C10orf105: variants seen among roughly 807,000 people sequenced by gnomAD.
C10orf105 encodes the protein chromosome 10 open reading frame 105.
Under a neutral mutation model 0.6 loss-of-function variants are expected in C10orf105, and 2 were observed. The ratio of observed to expected loss-of-function variants is 3.18; its 90% confidence interval spans 1.30 to 10.01. C10orf105 has a LOEUF of 10.01. Among genes scored for constraint, C10orf105 ranks in the 30% most tolerant of loss-of-function variants. C10orf105 has a pLI of 0.04. For synonymous variants in C10orf105, 95 were observed against 82.4 expected (o/e 1.15, Z -0.83); for missense variants, 209 against 191.4 (o/e 1.09, Z -0.54).
chr10:71,727,191 G>A (rs976027482), intron 1 of C10orf105, among the ~76,000 whole-genome samples: 6 of 152,226 alleles, frequency 3.9e-5, no homozygotes, highest in Admixed American at 1.3e-4. Context: ...TGACAAGACT[G>A]AGGCAAAGAG....
In C10orf105 at chr10:71,713,391, G is replaced by A. The variant is rs1866071170; in HGVS notation, c.*2545C>T. On this transcript the variant is annotated 3_prime_UTR_variant, in exon 2 of 2. Coordinates refer to ENST00000441508, the MANE Select transcript of C10orf105 (RefSeq NM_001164375.3). ...CTGGGTGGGGAGGGAGGCCCGGAGT[G>A]AATGAGTCTCTTTACCAACTATGGG... 1 of 694,964 alleles carries A rather than the reference G, an allele frequency of 1.4e-6. No individual in the cohort carries two copies. The highest frequency in any genetic ancestry group is 2.6e-6 in the Non-Finnish European group (1 of 381,306). The allele number at this position is 694,964 out of a possible 1,614,324, so 43.0% of individuals were successfully genotyped here. A position where few individuals can be genotyped will look rare whatever the true frequency, so the allele number is the denominator to read the frequency against.
At chr10:71,725,231 G>C (rs936777749) in intron 1 of C10orf105, 2 of 1,471,226 alleles carry the variant, frequency 1.4e-6, no homozygotes, top group African/African-American at 1.4e-5. Flanking sequence ...CCTCTCCACT[G>C]TGAATTCTGT....
chr10:71,732,018 G>T lies in C10orf105; in HGVS notation c.-6+5710C>A, dbSNP rs1179225882. ...GTGGCCTGGTGAACTACCGCATCCT[G>T]TCGGGCGCAGAGGGGAAGTTTGAGA... On this transcript the variant is annotated intron_variant, in intron 1 of 1. Coordinates refer to the C10orf105 transcript ENST00000398786. 3 of 1,613,854 alleles carry T rather than the reference G, an allele frequency of 1.9e-6. No homozygotes were observed. Among genetic ancestry groups the T allele is most frequent in the Non-Finnish European group, 2.5e-6 (3 of 1,179,876 alleles).
rs761814772 is a variant in C10orf105, at chr10:71,713,110, G to A, written c.*2826C>T. ...CCACCCAGAAGGGCCTTTCAGAGTA[G>A]CGGGGAGAAAGAGACGTCACAATTT... On this transcript the variant is annotated 3_prime_UTR_variant, in exon 2 of 2. Coordinates refer to ENST00000441508, the MANE Select transcript of C10orf105 (RefSeq NM_001164375.3). 7.8e-6 allele frequency: 6 copies of A among 772,778 alleles called. No individual in the cohort carries two copies. The South Asian group carries it at 8.2e-5, about 11-fold the overall frequency. 47.9% of individuals were successfully genotyped at this position (772,778 alleles called of 1,614,324 possible). A position where few individuals can be genotyped will look rare whatever the true frequency, so the allele number is the denominator to read the frequency against.
Position 71,715,780 on chromosome 10 carries a change from G to T in C10orf105, c.*156C>A, listed in dbSNP as rs1866188854. ...TTCTGAGGATCATCTTTGGGAAAGG[G>T]CGCTGGCCTGGGCATGCAAGGAGCT... On this transcript the variant is annotated 3_prime_UTR_variant, in exon 2 of 2. Coordinates refer to ENST00000441508, the MANE Select transcript of C10orf105 (RefSeq NM_001164375.3). 9.6e-6 allele frequency: 6 copies of T among 622,388 alleles called. No homozygotes were observed. The highest frequency in any genetic ancestry group is 7.7e-5 in the African/African-American group (4 of 51,996). 38.6% of individuals were successfully genotyped at this position (622,388 alleles called of 1,614,324 possible).
In C10orf105 at chr10:71,712,416, G is replaced by A; in HGVS notation, c.*3520C>T. ...TGTAAAATGGGGATGACAGTAAAGT[G>A]TCTGCTTCATGGGGTTGCTGTGAGG... is the stretch of plus-strand genomic sequence containing the variant. On this transcript the variant is annotated 3_prime_UTR_variant, in exon 2 of 2. Transcript: ENST00000441508. 2.2e-6 allele frequency: 1 copy of A among 464,420 alleles called. No homozygotes were observed. Among genetic ancestry groups the A allele is most frequent in the Admixed American group, 3.5e-5 (1 of 28,314 alleles). The allele number at this position is 464,420 out of a possible 1,614,324, so 28.8% of individuals were successfully genotyped here.
upstream of C10orf105, chr10:71,724,223 T>C (rs1866705237): frequency 4.8e-6 from 5 of 1,048,688 alleles, no homozygotes; most frequent in Admixed American, 4.2e-5. Context: ...GCCATATACA[T>C]GGGGCGAGGC....
At chr10:71,732,118 G>T (rs758413650) in intron 1 of C10orf105, 2 of 1,614,012 alleles carry the variant, frequency 1.2e-6, no homozygotes, top group Non-Finnish European at 1.7e-6. Flanking sequence ...CATGATGAAT[G>T]TGTCGGCCAC....
chr10:71,718,524 C>T (rs914715890), intron 1 of C10orf105, among the ~76,000 whole-genome samples: 5 of 152,268 alleles, frequency 3.3e-5, no homozygotes, highest in African/African-American at 9.6e-5. Context: ...GTTGGCCTTT[C>T]CTTGAGTCTG....
intron 1 of C10orf105, among the ~76,000 whole-genome samples, chr10:71,731,176 G>A (rs144555340): frequency 4.6e-5 from 7 of 152,298 alleles, no homozygotes; most frequent in Admixed American, 6.5e-5. Context: ...GTGGCCCTCC[G>A]TGCGGCCTGG....
chr10:71,735,462 A>G (rs1434626328), intron 1 of C10orf105, among the ~76,000 whole-genome samples: 3 of 152,038 alleles, frequency 2.0e-5, no homozygotes, highest in Admixed American at 1.3e-4. Flanking sequence ...AGGGCCAGCT[A>G]CCTGAGAGAG....
At position 71,715,269 on chromosome 10, in the gene C10orf105, TGGG is replaced by T. The variant is rs1210267819; in HGVS notation, c.*664_*666del. ...AATCCCTTCCTGATTGATCCCAACG[TGGG>T]TGCCCTGAAGAGGGGCCACCAAGAC... On this transcript the variant is annotated 3_prime_UTR_variant, in exon 2 of 2. Transcript: ENST00000441508. The T allele has an allele frequency of 3.3e-5, 5 of 152,198 alleles. No homozygotes were observed. The highest frequency in any genetic ancestry group is 7.3e-5 in the Non-Finnish European group (5 of 68,050). 9.4% of individuals were successfully genotyped at this position (152,198 alleles called of 1,614,324 possible).
In C10orf105 at chr10:71,731,838, G is replaced by T. The variant is rs1045102708; in HGVS notation, c.-6+5890C>A. 3 of 744,454 alleles carry T rather than the reference G, an allele frequency of 4.0e-6. No homozygotes were observed. The Admixed American group carries it at 8.2e-5, about 20-fold the overall frequency. 46.1% of individuals were successfully genotyped at this position (744,454 alleles called of 1,614,324 possible). On this transcript the variant is annotated intron_variant, in intron 1 of 1. Transcript: ENST00000398786. Reference sequence around the variant, plus strand: ...CATTGACCTTAACACATCCTCTGCTGCATCTCTGAGGATGATCCTGCCGGC... The same window carrying T: ...CATTGACCTTAACACATCCTCTGCTTCATCTCTGAGGATGATCCTGCCGGC...
chr10:71,725,601 C>A, intron 1 of C10orf105: 2 of 1,483,350 alleles, frequency 1.3e-6, no homozygotes, highest in East Asian at 2.4e-5. Context: ...CATTAGTTGG[C>A]GCCTGGTGTG....
intron 1 of C10orf105, among the ~76,000 whole-genome samples, chr10:71,736,365 C>T (rs1003116759): frequency 5.2e-4 from 79 of 152,180 alleles, no homozygotes; most frequent in Non-Finnish European, 1.0e-3. Flanking sequence ...TCTGCTAGGC[C>T]GGAACCCAAA....
intron 1 of C10orf105, among the ~76,000 whole-genome samples, chr10:71,733,690 G>A (rs1357259254): frequency 6.6e-6 from 1 of 152,154 alleles, no homozygotes; most frequent in Non-Finnish European, 1.5e-5. Flanking sequence ...ATAAATGCTG[G>A]GCTTCATTGC....
chr10:71,715,800 G>C lies in C10orf105; in HGVS notation c.*136C>G. On this transcript the variant is annotated 3_prime_UTR_variant, in exon 2 of 2. Transcript: ENST00000441508. ...AAAGGGCGCTGGCCTGGGCATGCAA[G>C]GAGCTTCGGGGGGTGAGTGTGTGTC... 1 of 827,138 alleles carries C rather than the reference G, an allele frequency of 1.2e-6. No individual in the cohort carries two copies. Among genetic ancestry groups the C allele is most frequent in the Non-Finnish European group, 1.8e-6 (1 of 567,702 alleles). The allele number at this position is 827,138 out of a possible 1,614,324, so 51.2% of individuals were successfully genotyped here. A position where few individuals can be genotyped will look rare whatever the true frequency, so the allele number is the denominator to read the frequency against.
chr10:71,730,257 C>T (rs1356246517), intron 1 of C10orf105, among the ~76,000 whole-genome samples: 1 of 152,218 alleles, frequency 6.6e-6, no homozygotes, highest in Non-Finnish European at 1.5e-5. Flanking sequence ...AAGTTCATTC[C>T]GAAACAAGTA....
intron 1 of C10orf105, among the ~76,000 whole-genome samples, chr10:71,727,854 A>G (rs1483321354): frequency 6.6e-6 from 1 of 152,208 alleles, no homozygotes; most frequent in East Asian, 1.9e-4. Context: ...GCTCAGCAAG[A>G]ACCTGACAGA....
Sources: gnomAD v4.1 joint callset for allele counts (sites outside exome capture counted in the v4.1 genomes callset) on GRCh38, gnomAD v4.1.1 for gene constraint, MANE v1.5 for transcripts, NCBI Gene and HGNC (gene_info 2026-07-23, HGNC 2026-07-21) for gene names.